The following PPARGC1A variants were observed in gnomAD, a reference collection of about 807,000 sequenced individuals.
The protein encoded by PPARGC1A is peroxisome proliferator-activated receptor gamma coactivator 1-alpha.
A neutral mutation model predicts 88.7 loss-of-function variants in PPARGC1A; 25 were observed. That is an observed-to-expected ratio of 0.28 (90% CI 0.21 to 0.39). The LOEUF (loss-of-function observed/expected upper bound fraction) is 0.39, where lower values mean the gene tolerates loss of function less well. Ranked by LOEUF, PPARGC1A falls within the 10% of genes least tolerant of loss-of-function variation. PPARGC1A has a pLI of 1.00. For synonymous variants in PPARGC1A, 363 were observed against 355.6 expected, an observed-to-expected ratio of 1.02 and a Z score of -0.24; for missense variants, 880 against 968.7, an observed-to-expected ratio of 0.91 and a Z score of 1.22.
the PPARGC1A span, among the ~76,000 whole-genome samples, chr4:24,022,563 G>A: frequency 4.6e-5 from 7 of 152,262 alleles, no homozygotes; most frequent in South Asian, 2.1e-4. Flanking sequence ...TCCAGCATTC[G>A]TTGTGATGGT....
chr4:24,237,477 T>A, the PPARGC1A span, among the ~76,000 whole-genome samples: 1 of 152,326 alleles, frequency 6.6e-6, no homozygotes, highest in Non-Finnish European at 1.5e-5. Context: ...TTAGTTGAGA[T>A]GGTGTTTAGG....
the PPARGC1A span, among the ~76,000 whole-genome samples, chr4:24,032,957 A>G: frequency 2.6e-5 from 4 of 152,154 alleles, no homozygotes; most frequent in African/African-American, 9.7e-5. Flanking sequence ...CACAAGATAT[A>G]TCTTTATTTT....
chr4:24,134,329 C>T, the PPARGC1A span, among the ~76,000 whole-genome samples: 1 of 152,204 alleles, frequency 6.6e-6, no homozygotes, highest in South Asian at 2.1e-4. Context: ...CCATCATGTT[C>T]CTAAACTTAT....
chr4:24,403,778 TTATATC>T, the PPARGC1A span, among the ~76,000 whole-genome samples: 2 of 152,170 alleles, frequency 1.3e-5, no homozygotes, highest in African/African-American at 4.8e-5. Flanking sequence ...TAGCAACACT[TTATATC>T]TAAGGAATTT....
chr4:23,940,571 GACTCA>G, the PPARGC1A span, among the ~76,000 whole-genome samples: 4 of 152,164 alleles, frequency 2.6e-5, no homozygotes, highest in South Asian at 8.3e-4. Context: ...CATTTTTACT[GACTCA>G]CTAACTCTAC....
the PPARGC1A span, among the ~76,000 whole-genome samples, chr4:24,462,977 A>T: frequency 6.6e-6 from 1 of 152,046 alleles, no homozygotes; most frequent in Non-Finnish European, 1.5e-5. Flanking sequence ...CATACTTAGC[A>T]GGTGAAAAGT....
the PPARGC1A span, among the ~76,000 whole-genome samples, chr4:24,011,964 G>T: frequency 1.3e-4 from 20 of 152,178 alleles, no homozygotes; most frequent in African/African-American, 4.8e-4. Flanking sequence ...CATTAATGAG[G>T]TACCTAAAAT....
chr4:24,188,475 C>T, the PPARGC1A span, among the ~76,000 whole-genome samples: 1 of 152,066 alleles, frequency 6.6e-6, no homozygotes, highest in African/African-American at 2.4e-5. Flanking sequence ...TTTGACATTC[C>T]CCTTTATCAT....
the PPARGC1A span, among the ~76,000 whole-genome samples, chr4:24,324,072 T>C: frequency 6.6e-6 from 1 of 152,204 alleles, no homozygotes; most frequent in African/African-American, 2.4e-5. Flanking sequence ...TTTCCCTTGG[T>C]GTTTAATCAT....
chr4:24,458,555 A>G, the PPARGC1A span, among the ~76,000 whole-genome samples: 1 of 152,214 alleles, frequency 6.6e-6, no homozygotes, highest in Non-Finnish European at 1.5e-5. Context: ...ATTTTATGAT[A>G]TTCTCCATCT....
chr4:24,392,068 T>G, the PPARGC1A span, among the ~76,000 whole-genome samples: 1 of 152,218 alleles, frequency 6.6e-6, no homozygotes, highest in Non-Finnish European at 1.5e-5. Context: ...ACCTGATAGT[T>G]TTCCTATAGA....
chr4:23,864,089 C>G (rs1731723307), intron 2 of PPARGC1A, among the ~76,000 whole-genome samples: 1 of 152,116 alleles, frequency 6.6e-6, no homozygotes, highest in African/African-American at 2.4e-5. Flanking sequence ...CATTAGCTTC[C>G]CTCTTCACTC....
At chr4:24,436,800 G>A in the PPARGC1A span, among the ~76,000 whole-genome samples, 1,228 of 37,180 alleles carry the variant, frequency 0.033, 26 homozygotes, top group African/African-American at 0.068. Flanking sequence ...GCTGACATCG[G>A]TTGGCCACCC....
intron 5 of PPARGC1A, among the ~76,000 whole-genome samples, chr4:23,828,070 G>A (rs1435504540): frequency 6.6e-6 from 1 of 152,054 alleles, no homozygotes; most frequent in African/African-American, 2.4e-5. Flanking sequence ...TAATGAATTG[G>A]TTAGCCCAGC....
chr4:24,199,406 C>T, the PPARGC1A span, among the ~76,000 whole-genome samples: 1 of 152,022 alleles, frequency 6.6e-6, no homozygotes, highest in Admixed American at 6.6e-5. Flanking sequence ...ATAAGTGCAA[C>T]AAATGAGATC....
At chr4:24,003,248 A>G in the PPARGC1A span, among the ~76,000 whole-genome samples, 1 of 152,326 alleles carries the variant, frequency 6.6e-6, no homozygotes, top group South Asian at 2.1e-4. Context: ...TCTTTCCACT[A>G]CACGGTGAAA....
the PPARGC1A span, among the ~76,000 whole-genome samples, chr4:24,089,264 T>G: frequency 2.2e-4 from 33 of 152,244 alleles, no homozygotes; most frequent in African/African-American, 7.9e-4. Flanking sequence ...TTTAGTTTCC[T>G]CCCTTAGGGA....
rs11332760 is a variant in PPARGC1A at position 23,886,856 on chromosome 4, T to TAA, written c.55-1927_55-1926dup. Reference sequence around the variant, plus strand: ...TAGGATTTTATAGGGGCATAGTCTTTAAAAAAAAAAAAAAAAAACATGAAC... The same window carrying TAA: ...TAGGATTTTATAGGGGCATAGTCTTTAAAAAAAAAAAAAAAAAAAACATGAAC... On this transcript the variant is annotated intron_variant, in intron 1 of 12. Transcript: ENST00000264867. Among the ~76,000 whole-genome samples, 538 of 136,314 alleles carry TAA rather than the reference T, an allele frequency of 3.9e-3. 5 individuals are homozygous for TAA. Among genetic ancestry groups the TAA allele is most frequent in the African/African-American group, 0.013 (471 of 36,384 alleles). The allele number at this position is 136,314 out of a possible 152,430, so 89.4% of individuals were successfully genotyped here.
chr4:24,255,599 T>C, the PPARGC1A span, among the ~76,000 whole-genome samples: 1 of 152,218 alleles, frequency 6.6e-6, no homozygotes, highest in African/African-American at 2.4e-5. Flanking sequence ...CCCTCCTTGC[T>C]GATGAGAAGC....
Sources: allele counts gnomAD v4.1 joint callset (sites outside exome capture counted in the v4.1 genomes callset), GRCh38; gene constraint gnomAD v4.1.1; transcripts MANE v1.5; gene names NCBI Gene and HGNC (gene_info 2026-07-23, HGNC 2026-07-21).